The following SPOCK3 variants were observed in gnomAD, a reference collection of about 807,000 sequenced individuals.
SPOCK3 encodes the protein SPARC (osteonectin), cwcv and kazal like domains proteoglycan 3.
In SPOCK3, 30 loss-of-function variants were observed where a neutral mutation model predicts 56.6. The observed-to-expected ratio is 0.53, with a 90% CI of 0.40 to 0.72. The LOEUF is 0.72. Among genes scored for constraint, SPOCK3 ranks in the 30% least tolerant of loss-of-function variants. The pLI is 0.00. For missense variants in SPOCK3, 527 were observed against 530.0 expected, an observed-to-expected ratio of 0.99 and a Z score of 0.06; for synonymous variants, 196 against 183.3, an observed-to-expected ratio of 1.07 and a Z score of -0.56.
At chr4:167,225,266 T>C (rs1183857533) in intron 2 of SPOCK3, among the ~76,000 whole-genome samples, 1 of 152,130 alleles carries the variant, frequency 6.6e-6, no homozygotes, top group African/African-American at 2.4e-5. Context: ...AGGCCATTAT[T>C]CTTAATTTAC....
intron 3 of SPOCK3, among the ~76,000 whole-genome samples, chr4:167,015,692 A>G (rs902618067): frequency 1.4e-4 from 22 of 152,164 alleles, no homozygotes; most frequent in African/African-American, 5.3e-4. Context: ...TTGTTAAACG[A>G]AACTTTCATT....
intron 2 of SPOCK3, among the ~76,000 whole-genome samples, chr4:167,148,385 G>T (rs1408822861): frequency 6.6e-6 from 1 of 152,106 alleles, no homozygotes; most frequent in Admixed American, 6.6e-5. Context: ...CATCTGGTCA[G>T]AGATGATAAT....
intron 4 of SPOCK3, among the ~76,000 whole-genome samples, chr4:166,941,029 TC>T (rs1015909871): frequency 6.6e-6 from 1 of 151,992 alleles, no homozygotes; most frequent in African/African-American, 2.4e-5. Context: ...ATGCTGCACT[TC>T]TTTTGCTGTG....
intron 5 of SPOCK3, among the ~76,000 whole-genome samples, chr4:166,905,497 G>C (rs1736510848): frequency 6.6e-6 from 1 of 151,854 alleles, no homozygotes; most frequent in Admixed American, 6.6e-5. Flanking sequence ...ATTAACACGG[G>C]CTTAAGCACT....
chr4:166,912,641 A>G lies in SPOCK3; in HGVS notation c.453T>C (p.Asp151=), dbSNP rs1476118574. 1.9e-6 allele frequency: 3 copies of G among 1,613,754 alleles called. No homozygotes were observed. Among genetic ancestry groups the G allele is most frequent in the Middle Eastern group, 3.3e-4 (2 of 6,052 alleles). Residue 151 remains aspartate, a synonymous_variant, in exon 5 of 11, where the codon GAT becomes GAC. Coordinates refer to ENST00000357545, the MANE Select transcript of SPOCK3 (RefSeq NM_001040159.2). ...VVYPSPVCGS[D]GHTYSFQCKL... ...TTACCTGAAAAGAGTAGGTATGACC[A>G]TCTGAACCACAAACAGGGCTGGGAT...
chr4:167,181,733 C>A (rs1731473007), intron 2 of SPOCK3, among the ~76,000 whole-genome samples: 1 of 152,246 alleles, frequency 6.6e-6, no homozygotes, highest in Non-Finnish European at 1.5e-5. Flanking sequence ...TCTTACCTAC[C>A]TTTTGTTCCA....
intron 4 of SPOCK3, among the ~76,000 whole-genome samples, chr4:166,962,549 A>G (rs1271390733): frequency 6.6e-6 from 1 of 152,156 alleles, no homozygotes; most frequent in Non-Finnish European, 1.5e-5. Flanking sequence ...GAAATATTTT[A>G]GAGAGGACAG....
chr4:167,187,604 T>C (rs1312258316), intron 2 of SPOCK3, among the ~76,000 whole-genome samples: 1 of 152,060 alleles, frequency 6.6e-6, no homozygotes, highest in Non-Finnish European at 1.5e-5. Context: ...AATCTTTTTA[T>C]GCTGTTTAAT....
chr4:167,136,037 ATT>A (rs147953123), intron 2 of SPOCK3, among the ~76,000 whole-genome samples: 4 of 151,086 alleles, frequency 2.6e-5, no homozygotes, highest in South Asian at 2.1e-4. Context: ...GCTTATTTTC[ATT>A]TTTTTTTCCC....
chr4:167,000,533 C>A, intron 3 of SPOCK3, 70 bp from the exon 4 acceptor site: 1 of 718,548 alleles, frequency 1.4e-6, no homozygotes, highest in Non-Finnish European at 2.4e-6. Context: ...CCATCAAACA[C>A]AATTTGATCA....
At chr4:167,042,468 A>G (rs1342260861) in intron 3 of SPOCK3, among the ~76,000 whole-genome samples, 1 of 152,156 alleles carries the variant, frequency 6.6e-6, no homozygotes, top group Non-Finnish European at 1.5e-5. Context: ...AAGTTCAGAG[A>G]TCCAGGCATG....
At chr4:166,935,915 G>A (rs1441760663) in intron 4 of SPOCK3, among the ~76,000 whole-genome samples, 1 of 152,142 alleles carries the variant, frequency 6.6e-6, no homozygotes. Flanking sequence ...AATAAAAAAT[G>A]ATCATGATGA....
At chr4:166,906,071 A>G (rs1736574827) in intron 5 of SPOCK3, among the ~76,000 whole-genome samples, 1 of 152,046 alleles carries the variant, frequency 6.6e-6, no homozygotes, top group South Asian at 2.1e-4. Flanking sequence ...CTGATTCTGA[A>G]ATTCTTATGG....
chr4:167,057,379 T>C (rs1242507817), intron 3 of SPOCK3, among the ~76,000 whole-genome samples: 1 of 152,138 alleles, frequency 6.6e-6, no homozygotes, highest in South Asian at 2.1e-4. Context: ...CTGCATCAAC[T>C]AACGAGCAAA....
intron 4 of SPOCK3, among the ~76,000 whole-genome samples, chr4:166,923,474 C>T (rs773531537): frequency 3.3e-5 from 5 of 152,122 alleles, no homozygotes; most frequent in Non-Finnish European, 7.4e-5. Flanking sequence ...TCTCTGATAA[C>T]AAAAAAGCTT....
At chr4:167,156,746 T>A (rs1180932286) in intron 2 of SPOCK3, among the ~76,000 whole-genome samples, 3 of 152,004 alleles carry the variant, frequency 2.0e-5, no homozygotes, top group Non-Finnish European at 4.4e-5. Flanking sequence ...GCTATGCCAA[T>A]CCCATGGTAA....
chr4:167,110,135 AG>A (rs2150345470), intron 2 of SPOCK3, among the ~76,000 whole-genome samples: 1 of 152,164 alleles, frequency 6.6e-6, no homozygotes, highest in Non-Finnish European at 1.5e-5. Context: ...CAGGCAAGAA[AG>A]CTTTGACATC....
chr4:166,900,909 AG>A (rs1735980373), intron 5 of SPOCK3, among the ~76,000 whole-genome samples: 1 of 152,162 alleles, frequency 6.6e-6, no homozygotes, highest in South Asian at 2.1e-4. Context: ...AAATAAATAG[AG>A]GGGCAAGATA....
intron 2 of SPOCK3, among the ~76,000 whole-genome samples, chr4:167,205,323 TA>T (rs1734020168): frequency 2.3e-5 from 1 of 43,910 alleles, no homozygotes; most frequent in Non-Finnish European, 4.2e-5. Flanking sequence ...ATTTTATATA[TA>T]TAATATATAT....
Sources: allele counts gnomAD v4.1 joint callset (sites outside exome capture counted in the v4.1 genomes callset), GRCh38; gene constraint gnomAD v4.1.1; transcripts MANE v1.5; gene names NCBI Gene and HGNC (gene_info 2026-07-23, HGNC 2026-07-21).